HSD17B7: variants seen among roughly 807,000 people sequenced by gnomAD.
The protein encoded by HSD17B7 is 3-keto-steroid reductase/17-beta-hydroxysteroid dehydrogenase 7.
In HSD17B7, 17 loss-of-function variants were observed where a neutral mutation model predicts 34.1. The observed-to-expected ratio is 0.50, with a 90% CI of 0.34 to 0.75. HSD17B7 has a LOEUF of 0.75. Ranked by LOEUF, HSD17B7 falls within the 30% of genes least tolerant of loss-of-function variation. The pLI is 0.01. For synonymous variants in HSD17B7, 122 were observed against 154.6 expected (o/e 0.79, Z 1.56); for missense variants, 296 against 406.6 (o/e 0.73, Z 2.34).
chr1:162,799,873 A>G lies in HSD17B7; in HGVS notation c.578A>G (p.Tyr193Cys), dbSNP rs1648748061. ...CAGCACAGCAAAGGCAAGGAACCCT[A>G]CAGCTCTTCCAAATATGCCACTGAC... ...DFQHSKGKEP[Y>C]SSSKYATDLL... Residue 193 changes from tyrosine to cysteine, a missense_variant, in exon 5 of 9, where the codon TAC becomes TGC. Tyr to Cys is a radical substitution (Grantham distance 194). Coordinates refer to ENST00000254521, the MANE Select transcript of HSD17B7 (RefSeq NM_016371.4). 1 of 1,614,118 alleles carries G rather than the reference A, an allele frequency of 6.2e-7. No homozygotes were observed. The highest frequency in any genetic ancestry group is 8.5e-7 in the Non-Finnish European group (1 of 1,179,980).
chr1:162,809,797 C>G (rs537955044), intron 8 of HSD17B7, among the ~76,000 whole-genome samples: 21 of 151,614 alleles, frequency 1.4e-4, no homozygotes, highest in East Asian at 5.8e-4. Context: ...TGGTGATATC[C>G]CTTTTATCAT....
intron 1 of HSD17B7, among the ~76,000 whole-genome samples, chr1:162,791,159 C>G (rs1648391610): frequency 6.6e-6 from 1 of 152,090 alleles, no homozygotes. Flanking sequence ...TCGTATTTAT[C>G]GTCAGTGCCC....
intron 8 of HSD17B7, among the ~76,000 whole-genome samples, chr1:162,809,002 T>A: frequency 6.6e-6 from 1 of 152,218 alleles, no homozygotes; most frequent in East Asian, 1.9e-4. Context: ...CTTCCAACAC[T>A]ATGTTGAATA....
intron 1 of HSD17B7, among the ~76,000 whole-genome samples, chr1:162,792,344 A>G (rs1648436462): frequency 6.6e-6 from 1 of 152,252 alleles, no homozygotes; most frequent in Non-Finnish European, 1.5e-5. Context: ...GAGTGACATA[A>G]TAGGTACAAA....
At chr1:162,805,637 ATCCTGCTCCC>A (rs1648958898) in intron 8 of HSD17B7, 145 bp downstream of exon 8, 1 of 1,330,426 alleles carries the variant, frequency 7.5e-7, no homozygotes, top group Admixed American at 2.9e-5. Context: ...ATTTTATTTC[ATCCTGCTCCC>A]TCCTGCTTCT....
intron 8 of HSD17B7, among the ~76,000 whole-genome samples, chr1:162,806,799 C>T (rs950917524): frequency 2.0e-5 from 3 of 152,156 alleles, no homozygotes; most frequent in Admixed American, 6.5e-5. Context: ...TACTCATTAG[C>T]ATTTTATGGA....
intron 8 of HSD17B7, among the ~76,000 whole-genome samples, chr1:162,809,354 T>C (rs1649096737): frequency 6.6e-6 from 1 of 152,260 alleles, no homozygotes; most frequent in Non-Finnish European, 1.5e-5. Context: ...TTTGATGTGC[T>C]GCTGGATTCG....
In HSD17B7 at chr1:162,812,542, G is replaced by A. The variant is rs1351544567; in HGVS notation, c.*122G>A. The A allele has an allele frequency of 6.0e-6, 5 of 840,252 alleles. No homozygotes were observed. In the East Asian group the frequency reaches 1.1e-4, roughly 19 times the overall value. The allele number at this position is 840,252 out of a possible 1,614,324, so 52.0% of individuals were successfully genotyped here. ...GAAATAAAAATAATAGCTGGGTGTG[G>A]TGGCATGCGCATGTAGTCCCAGCTA... is the stretch of plus-strand genomic sequence containing the variant. On this transcript the variant is annotated 3_prime_UTR_variant, in exon 9 of 9. Coordinates refer to ENST00000254521, the MANE Select transcript of HSD17B7 (RefSeq NM_016371.4).
chr1:162,791,650 C>T (rs1194205080), intron 1 of HSD17B7, among the ~76,000 whole-genome samples: 1 of 148,546 alleles, frequency 6.7e-6, no homozygotes, highest in East Asian at 2.0e-4. Context: ...AACTTTTTAG[C>T]ATACCCTCTC....
At position 162,812,669 on chromosome 1, in the gene HSD17B7, C is replaced by G. The variant is rs555740228; in HGVS notation, c.*249C>G. On this transcript the variant is annotated 3_prime_UTR_variant, in exon 9 of 9. Transcript: ENST00000254521. ...CTCCAGCCTGGGTGACAGCGAGACCCTGTCTCAAAATATGTATATATTTAA... is the reference window on the plus strand; with the variant it reads ...CTCCAGCCTGGGTGACAGCGAGACCGTGTCTCAAAATATGTATATATTTAA... 15 of 269,084 alleles carry G rather than the reference C, an allele frequency of 5.6e-5. No individual in the cohort carries two copies. In the East Asian group the frequency reaches 8.3e-4, roughly 15 times the overall value. 16.7% of individuals were successfully genotyped at this position (269,084 alleles called of 1,614,324 possible).
chr1:162,805,980 C>T (rs1419614326), intron 8 of HSD17B7, among the ~76,000 whole-genome samples: 1 of 152,036 alleles, frequency 6.6e-6, no homozygotes, highest in African/African-American at 2.4e-5. Context: ...AAGTTAACTT[C>T]CCTTTGAGTA....
At position 162,812,759 on chromosome 1, in the gene HSD17B7, G is replaced by C. The variant is rs1379723084; in HGVS notation, c.*339G>C. On this transcript the variant is annotated 3_prime_UTR_variant, in exon 9 of 9. Coordinates refer to ENST00000254521, the MANE Select transcript of HSD17B7 (RefSeq NM_016371.4). ...CATTGCATACCTTCTGTACATTCTG[G>C]GGTACATGGATTTCTACTGAGTTGG... The C allele has an allele frequency of 6.2e-6, 1 of 162,338 alleles. No homozygotes were observed. The highest frequency in any genetic ancestry group is 1.3e-5 in the Non-Finnish European group (1 of 74,324). 10.1% of individuals were successfully genotyped at this position (162,338 alleles called of 1,614,324 possible). A position where few individuals can be genotyped will look rare whatever the true frequency, so the allele number is the denominator to read the frequency against.
chr1:162,801,395 T>A (rs1292410210), intron 5 of HSD17B7, among the ~76,000 whole-genome samples: 1 of 152,070 alleles, frequency 6.6e-6, no homozygotes, highest in Non-Finnish European at 1.5e-5. Flanking sequence ...ATCTGAAAAA[T>A]AGGGATAGTA....
At chr1:162,792,166 G>C (rs1009261136) in intron 1 of HSD17B7, among the ~76,000 whole-genome samples, 1 of 152,180 alleles carries the variant, frequency 6.6e-6, no homozygotes, top group African/African-American at 2.4e-5. Context: ...AGATTCATCT[G>C]TTCCTTTATC....
At chr1:162,799,070 C>T (rs529830895) in intron 4 of HSD17B7, 143 of 157,796 alleles carry the variant, frequency 9.1e-4, no homozygotes, top group Non-Finnish European at 6.3e-4. Flanking sequence ...GCTCTACCTC[C>T]TTAAGAGTGG....
chr1:162,801,830 C>G (rs1291430528), intron 5 of HSD17B7, among the ~76,000 whole-genome samples: 8 of 152,064 alleles, frequency 5.3e-5, no homozygotes, highest in Non-Finnish European at 1.2e-4. Flanking sequence ...TGAGAACTCC[C>G]TTTTAGAGGG....
chr1:162,805,456 C>T lies in HSD17B7; in HGVS notation c.867C>T (p.Thr289=), dbSNP rs1356627567. The stretch of plus-strand genomic sequence containing the variant: ...CTCTGATCAAATATCTGAGTGCCAC[C>T]ACTGGCTTTGGAAGAAATTACATTA... ...LNPLIKYLSA[T]TGFGRNYIMT... Residue 289 remains threonine (T), a synonymous_variant, in exon 8 of 9, where the codon ACC becomes ACT. Transcript: ENST00000254521. 4 of 1,612,958 alleles carry T rather than the reference C, an allele frequency of 2.5e-6. No individual in the cohort carries two copies. The highest frequency in any genetic ancestry group is 1.7e-5 in the Admixed American group (1 of 59,894).
chr1:162,812,521 T>G lies in HSD17B7; in HGVS notation c.*101T>G. 1 of 1,032,892 alleles carries G rather than the reference T, an allele frequency of 9.7e-7. No individual in the cohort carries two copies. The highest frequency in any genetic ancestry group is 1.4e-6 in the Non-Finnish European group (1 of 726,910). 64.0% of individuals were successfully genotyped at this position (1,032,892 alleles called of 1,614,324 possible). A position where few individuals can be genotyped will look rare whatever the true frequency, so the allele number is the denominator to read the frequency against. On this transcript the variant is annotated 3_prime_UTR_variant, in exon 9 of 9. Coordinates refer to ENST00000254521, the MANE Select transcript of HSD17B7 (RefSeq NM_016371.4). ...GAGCCCTTGTCTCTACAAAAAGAAA[T>G]AAAAATAATAGCTGGGTGTGGTGGC... is the stretch of plus-strand genomic sequence containing the variant.
At chr1:162,800,798 G>T (rs916650913) in intron 5 of HSD17B7, among the ~76,000 whole-genome samples, 8 of 152,206 alleles carry the variant, frequency 5.3e-5, no homozygotes, top group Non-Finnish European at 8.8e-5. Flanking sequence ...ACTGGGCCAG[G>T]TTTAGGGTTG....
Sources: gnomAD v4.1 joint callset for allele counts (sites outside exome capture counted in the v4.1 genomes callset) on GRCh38, gnomAD v4.1.1 for gene constraint, MANE v1.5 for transcripts, NCBI Gene and HGNC (gene_info 2026-07-23, HGNC 2026-07-21) for gene names.